Variants in LAMB2 observed in about 807,000 individuals in gnomAD.
LAMB2 encodes laminin subunit beta 2, also known as laminin subunit beta-2.
In LAMB2, 119 loss-of-function variants were observed where a neutral mutation model predicts 202.7. The ratio of observed to expected loss-of-function variants is 0.59; its 90% confidence interval spans 0.51 to 0.68. LAMB2 has a LOEUF of 0.68. LAMB2 is among the 30% of genes least tolerant of loss of function. The probability of loss-of-function intolerance (pLI) is 0.00; values close to 1 mark genes in which losing one functional copy is unlikely to be tolerated. For missense variants in LAMB2, 2,124 were observed against 2,410.6 expected (o/e 0.88, Z 2.49); for synonymous variants, 818 against 902.2 (o/e 0.91, Z 1.67).
rs948047098 is a variant in LAMB2 at position 49,128,493 on chromosome 3, A to G, written c.1983T>C (p.Asp661=). The stretch of plus-strand genomic sequence containing the variant: ...GTTGCAGAGTCCCTTGGATGCGATC[A>G]TCCTTGGGCACCAAATGCCCACACA... ...HSLCGHLVPK[D]DRIQGTLQPH... The change falls in exon 15 of 32, where the codon GAT becomes GAC. Residue 661 remains aspartate (D), a synonymous_variant. Transcript: ENST00000305544. The G allele has an allele frequency of 2.5e-6, 4 of 1,614,042 alleles. No homozygotes were observed. In the African/African-American group the frequency reaches 4.0e-5, roughly 16 times the overall value.
Position 49,125,986 on chromosome 3 carries a change from G to A in LAMB2, c.2325C>T (p.Leu775=), listed in dbSNP as rs1388260591. The change falls in exon 17 of 32, where the codon CTC becomes CTT. Residue 775 remains leucine, a synonymous_variant. Transcript: ENST00000305544. ...CAPLLISLST[L]IYNGALPCQC... Reference sequence around the variant, plus strand: ...ACTCACGCAGGGCACCATTGTAGATGAGGGTGGACAGGCTGATGAGGAGGG... The same window carrying A: ...ACTCACGCAGGGCACCATTGTAGATAAGGGTGGACAGGCTGATGAGGAGGG... The A allele has an allele frequency of 2.5e-6, 4 of 1,614,086 alleles. No individual in the cohort carries two copies. Among genetic ancestry groups the A allele is most frequent in the East Asian group, 4.5e-5 (2 of 44,890 alleles).
In LAMB2 at chr3:49,122,366, C is replaced by T. The variant is rs773921786; in HGVS notation, c.4578G>A (p.Glu1526=). The change falls in exon 28 of 32, where the codon GAG becomes GAA. Residue 1526 remains glutamate, a synonymous_variant. Transcript: ENST00000305544. ...TTTCAATGCTATCAGGATCAGCCCC[C>T]TCCTCTATAGGGACACAGCAAGAAC... ...IQSVKDFLNQ[E]GADPDSIEMV... 4.3e-6 allele frequency: 7 copies of T among 1,613,166 alleles called. No homozygotes were observed. Among genetic ancestry groups the T allele is most frequent in the East Asian group, 2.2e-5 (1 of 44,892 alleles).
rs1027365846 is a variant in LAMB2, at chr3:49,132,948, A to G, written c.-81T>C. ...CTCCTTGCTTTGGGGTTCCGTGTCA[A>G]CTCTGCCTGTGGGTCTTTGGCCTGT... On this transcript the variant is annotated 5_prime_UTR_variant, in exon 1 of 32. Transcript: ENST00000305544. The surrounding 1 kb of genome is among the most constrained non-coding windows in gnomAD (Gnocchi z 4.6). 1 of 1,289,530 alleles carries G rather than the reference A, an allele frequency of 7.8e-7. No homozygotes were observed. Among genetic ancestry groups the G allele is most frequent in the Non-Finnish European group, 1.1e-6 (1 of 889,336 alleles). The allele number at this position is 1,289,530 out of a possible 1,614,324, so 79.9% of individuals were successfully genotyped here.
At chr3:49,128,853 G>A in intron 13 of LAMB2, 34 bp from the exon 14 acceptor site, 1 of 1,608,020 alleles carries the variant, frequency 6.2e-7, no homozygotes. Context: ...TGGAGGCTCA[G>A]GTGAGGCTTT....
Position 49,131,166 on chromosome 3 carries a change from A to AG in LAMB2, c.713-15dup, listed in dbSNP as rs771715440. 1 of 1,612,348 alleles carries AG rather than the reference A, an allele frequency of 6.2e-7. No individual in the cohort carries two copies. Among genetic ancestry groups the AG allele is most frequent in the Non-Finnish European group, 8.5e-7 (1 of 1,179,448 alleles). On this transcript the variant is annotated splice_polypyrimidine_tract_variant and intron_variant, in intron 6 of 31. Coordinates refer to ENST00000305544, the MANE Select transcript of LAMB2 (RefSeq NM_002292.4). The surrounding 1 kb of genome is among the most constrained non-coding windows in gnomAD (Gnocchi z 5.0). ...TCTTCAACAGGTCTGAGGCGGGGGA[A>AG]GGGGGGCCAACTGACCAGGCAGGCC... is the stretch of plus-strand genomic sequence containing the variant.
At chr3:49,127,681 C>G (rs1426940496) in intron 15 of LAMB2, among the ~76,000 whole-genome samples, 1 of 150,046 alleles carries the variant, frequency 6.7e-6, no homozygotes, top group Non-Finnish European at 1.5e-5. Flanking sequence ...GGCGACAGAG[C>G]AAGACTCCAT....
At position 49,125,147 on chromosome 3, in the gene LAMB2, C is replaced by A; in HGVS notation, c.2743G>T (p.Asp915Tyr). 6.2e-7 allele frequency: 1 copy of A among 1,613,522 alleles called. No homozygotes were observed. Among genetic ancestry groups the A allele is most frequent in the Non-Finnish European group, 8.5e-7 (1 of 1,179,924 alleles). The stretch of plus-strand genomic sequence containing the variant: ...TGGCCCCCATATGGCAGCCGTGGGT[C>A]CCCGTGGAAACCAGCAATGCACCTG... ...CERCIAGFHG[D>Y]PRLPYGGQCR... The change falls in exon 20 of 32, where the codon GAC becomes TAC. Residue 915 changes from aspartate (D) to tyrosine (Y), a missense_variant. Transcript: ENST00000305544.
chr3:49,126,014 G>A lies in LAMB2; in HGVS notation c.2297C>T (p.Ala766Val), dbSNP rs773407518. The change falls in exon 17 of 32, where the codon GCA becomes GTA. Residue 766 changes from alanine to valine, a missense_variant. Ala to Val is a moderately conservative substitution (Grantham distance 64, BLOSUM62 0). Transcript: ENST00000305544. ...PSKTSPSEAC[A>V]PLLISLSTLI... ...GGTGGACAGGCTGATGAGGAGGGGT[G>A]CGCAGGCCTCAGAGGGAGAAGTCTT... is the stretch of plus-strand genomic sequence containing the variant. 1.2e-6 allele frequency: 2 copies of A among 1,614,092 alleles called. No homozygotes were observed. The highest frequency in any genetic ancestry group is 1.3e-5 in the African/African-American group (1 of 74,926).
chr3:49,128,119 G>A lies in LAMB2; in HGVS notation c.2018+339C>T, dbSNP rs564324860. Among the ~76,000 whole-genome samples, 22 of 151,102 alleles carry A rather than the reference G, an allele frequency of 1.5e-4. 1 individual carries two copies. In the South Asian group the frequency reaches 4.2e-3, roughly 29 times the overall value. ...ATGTAATAAAACATTAATCAGACCA[G>A]GCACATCCCTGCTCAGAGTGCTCTG... On this transcript the variant is annotated intron_variant, in intron 15 of 31. Transcript: ENST00000305544.
At position 49,132,954 on chromosome 3, in the gene LAMB2, C is replaced by A; in HGVS notation, c.-87G>T. The A allele has an allele frequency of 8.2e-7, 1 of 1,223,422 alleles. No homozygotes were observed. The highest frequency in any genetic ancestry group is 1.2e-6 in the Non-Finnish European group (1 of 830,746). 75.8% of individuals were successfully genotyped at this position (1,223,422 alleles called of 1,614,324 possible). The stretch of plus-strand genomic sequence containing the variant: ...GCTTTGGGGTTCCGTGTCAACTCTG[C>A]CTGTGGGTCTTTGGCCTGTTTCCCT... On this transcript the variant is annotated 5_prime_UTR_variant, in exon 1 of 32. Coordinates refer to ENST00000305544, the MANE Select transcript of LAMB2 (RefSeq NM_002292.4). This position sits in a 1 kb window ranked among gnomAD's most constrained non-coding sequence, Gnocchi z 4.6.
Position 49,122,238 on chromosome 3 carries a change from A to G in LAMB2, c.4706T>C (p.Val1569Ala). 1 of 1,613,504 alleles carries G rather than the reference A, an allele frequency of 6.2e-7. No individual in the cohort carries two copies. Among genetic ancestry groups the G allele is most frequent in the South Asian group, 1.1e-5 (1 of 91,090 alleles). The change falls in exon 28 of 32, where the codon GTG (valine) becomes GCG (alanine). Residue 1569 changes from valine to alanine, a missense_variant. Val to Ala is a moderately conservative substitution (Grantham distance 64, BLOSUM62 0). Coordinates refer to ENST00000305544, the MANE Select transcript of LAMB2 (RefSeq NM_002292.4). ...IAERVRSLAD[V>A]DAILARTVGD... ...TACAGTACGTGCCAGGATCGCATCCACATCTGCCAGGCTCCGGACTCGCTC... is the reference window on the plus strand; with the variant it reads ...TACAGTACGTGCCAGGATCGCATCCGCATCTGCCAGGCTCCGGACTCGCTC...
Position 49,129,371 on chromosome 3 carries a change from C to T in LAMB2, c.1519-47G>A, listed in dbSNP as rs1369285037. 1 of 1,521,730 alleles carries T rather than the reference C, an allele frequency of 6.6e-7. No homozygotes were observed. The highest frequency in any genetic ancestry group is 9.1e-7 in the Non-Finnish European group (1 of 1,103,196). 94.3% of individuals were successfully genotyped at this position (1,521,730 alleles called of 1,614,324 possible). The stretch of plus-strand genomic sequence containing the variant: ...GGGCCAGAAACAGACCTCCAGACCC[C>T]ATCACCACCCAGCAGGAAATCCCAA... On this transcript the variant is annotated intron_variant, in intron 11 of 31. Transcript: ENST00000305544. This position sits in a 1 kb window ranked among gnomAD's most constrained non-coding sequence, Gnocchi z 6.1.
chr3:49,131,295 GA>G lies in LAMB2; in HGVS notation c.712+83del. The G allele has an allele frequency of 6.5e-7, 1 of 1,527,974 alleles. No homozygotes were observed. The highest frequency in any genetic ancestry group is 1.1e-5 in the South Asian group (1 of 88,084). 94.7% of individuals were successfully genotyped at this position (1,527,974 alleles called of 1,614,324 possible). On this transcript the variant is annotated intron_variant, in intron 6 of 31. Coordinates refer to ENST00000305544, the MANE Select transcript of LAMB2 (RefSeq NM_002292.4). This position sits in a 1 kb window ranked among gnomAD's most constrained non-coding sequence, Gnocchi z 5.0. ...AAACTGGGCTTGGCACCTGCCCTAG[GA>G]AGCACCCAAAATAGTTACTGAGGCC...
rs771605457 is a variant in LAMB2 at position 49,121,490 on chromosome 3, G to A, written c.5203C>T (p.Arg1735Trp). The stretch of plus-strand genomic sequence containing the variant: ...TGCAACAGGTCCCGAGCCTCATCCC[G>A]CAGTTGTTCTGCCCTTGCCTGTGCA... The part of the protein sequence containing the change: ...LAAQARAEQL[R>W]DEARDLLQAA... The change falls in exon 31 of 32, where the codon CGG becomes TGG. Residue 1735 changes from arginine to tryptophan, a missense_variant. Physicochemically the swap from Arg to Trp is moderately radical, Grantham distance 101. Coordinates refer to ENST00000305544, the MANE Select transcript of LAMB2 (RefSeq NM_002292.4). 3.1e-6 allele frequency: 5 copies of A among 1,613,928 alleles called. No homozygotes were observed. In the Admixed American group the frequency reaches 5.0e-5, roughly 16 times the overall value.
At chr3:49,126,587 G>A in intron 15 of LAMB2, 90 bp from the exon 16 acceptor site, 1 of 1,555,686 alleles carries the variant, frequency 6.4e-7, no homozygotes, top group South Asian at 1.1e-5. Context: ...CAGCAACCAG[G>A]CCATTGGCCA....
chr3:49,129,263 C>T lies in LAMB2; in HGVS notation c.1580G>A (p.Gly527Asp). Residue 527 changes from glycine to aspartate, a missense_variant, in exon 12 of 32, where the codon GGT becomes GAT. Gly to Asp is a moderately conservative substitution (Grantham distance 94, BLOSUM62 -1). Around this residue, in one of 3 missense-constraint regions of LAMB2, gnomAD observed 1,702 missense variants for 1,896.3 expected, o/e 0.90. Transcript: ENST00000305544. The surrounding 1 kb of genome is among the most constrained non-coding windows in gnomAD (Gnocchi z 6.1). ...LGCRPCDCDV[G>D]GALDPQCDEG... ...CACTTACTGGGGATCCAAAGCACCA[C>T]CCACGTCGCAGTCACAGGGGCGGCA... is the stretch of plus-strand genomic sequence containing the variant. The T allele has an allele frequency of 6.2e-7, 1 of 1,614,000 alleles. No individual in the cohort carries two copies. Among genetic ancestry groups the T allele is most frequent in the Non-Finnish European group, 8.5e-7 (1 of 1,179,936 alleles).
In LAMB2 at chr3:49,125,839, C is replaced by T; in HGVS notation, c.2396G>A (p.Gly799Asp). The T allele has an allele frequency of 6.2e-7, 1 of 1,614,162 alleles. No homozygotes were observed. Among genetic ancestry groups the T allele is most frequent in the South Asian group, 1.1e-5 (1 of 91,084 alleles). ...GSLSSECNPH[G>D]GQCLCKPGVV... is the part of the protein sequence containing the mutation. ...TCCAGGCTTGCACAGGCACTGACCA[C>T]CATGAGGGTTGCACTCAGAACTCAG... is the stretch of plus-strand genomic sequence containing the variant. Residue 799 changes from glycine to aspartate, a missense_variant, in exon 18 of 32, where the codon GGT (glycine) becomes GAT (aspartate). By Grantham distance (94) the Gly-to-Asp change is moderately conservative. This residue lies in a region of LAMB2 where 1,702 missense variants were observed against 1,896.3 expected (regional missense o/e 0.90). Coordinates refer to ENST00000305544, the MANE Select transcript of LAMB2 (RefSeq NM_002292.4).
In LAMB2 at chr3:49,122,884, G is replaced by A. The variant is rs771487133; in HGVS notation, c.4393C>T (p.Arg1465Trp). Residue 1465 changes from arginine to tryptophan, a missense_variant, in exon 27 of 32, where the codon CGG (arginine) becomes TGG (tryptophan). Around this residue, in one of 3 missense-constraint regions of LAMB2, gnomAD observed 1,702 missense variants for 1,896.3 expected, o/e 0.90. Coordinates refer to ENST00000305544, the MANE Select transcript of LAMB2 (RefSeq NM_002292.4). The stretch of plus-strand genomic sequence containing the variant: ...ATGCTACCACCTTCTGCCAGTGCCC[G>A]CTGCAGCTCTGCCTGTGTGTGCCGG... ...RARHTQAELQ[R>W]ALAEGGSILS... 17 of 1,610,402 alleles carry A rather than the reference G, an allele frequency of 1.1e-5. No homozygotes were observed. Among genetic ancestry groups the A allele is most frequent in the African/African-American group, 5.3e-5 (4 of 75,026 alleles).
In LAMB2 at chr3:49,132,405, C is replaced by T. The variant is rs1469792899; in HGVS notation, c.250G>A (p.Asp84Asn). Residue 84 changes from aspartate to asparagine, a missense_variant and splice_region_variant, in exon 3 of 32, where the codon GAC becomes AAC. This residue lies in a region of LAMB2 where 166 missense variants were observed against 158.2 expected (regional missense o/e 1.05). Coordinates refer to ENST00000305544, the MANE Select transcript of LAMB2 (RefSeq NM_002292.4). This position sits in a 1 kb window ranked among gnomAD's most constrained non-coding sequence, Gnocchi z 4.6. ...QPYCIVSHLQ[D>N]EKKCFLCDSR... ...TCACAAAGGAAGCACTTCTTTTCGT[C>T]CTGGGTTGGATGGGGATTAGAATCA... is the stretch of plus-strand genomic sequence containing the variant. 2 of 1,614,122 alleles carry T rather than the reference C, an allele frequency of 1.2e-6. No homozygotes were observed. The highest frequency in any genetic ancestry group is 1.7e-6 in the Non-Finnish European group (2 of 1,180,048).
Sources: allele counts gnomAD v4.1 joint callset (sites outside exome capture counted in the v4.1 genomes callset), GRCh38; gene constraint gnomAD v4.1.1; regional missense constraint gnomAD v4.1.1; non-coding constraint Gnocchi (gnomAD v3.1); transcripts MANE v1.5; gene names NCBI Gene and HGNC (gene_info 2026-07-23, HGNC 2026-07-21).